Variants in PAICS observed in about 807,000 individuals in gnomAD.
PAICS encodes bifunctional phosphoribosylaminoimidazole carboxylase/phosphoribosylaminoimidazole succinocarboxamide synthetase.
Under a neutral mutation model 53.7 loss-of-function variants are expected in PAICS, and 33 were observed. The ratio of observed to expected loss-of-function variants is 0.61; its 90% CI spans 0.47 to 0.82. The LOEUF is 0.82. Among genes scored for constraint, PAICS ranks in the 40% least tolerant of loss-of-function variants. PAICS has a pLI of 0.00. For synonymous variants in PAICS, 141 were observed against 167.2 expected, an observed-to-expected ratio of 0.84 and a Z score of 1.21; for missense variants, 394 against 494.1, an observed-to-expected ratio of 0.80 and a Z score of 1.92.
chr4:56,441,975 A>C, intron 2 of PAICS, 115 bp downstream of exon 2: 1 of 694,370 alleles, frequency 1.4e-6, no homozygotes, highest in South Asian at 2.2e-5. Flanking sequence ...TCAAAAGCTA[A>C]GTGAATTTAA....
intron 1 of PAICS, among the ~76,000 whole-genome samples, chr4:56,438,435 TTTTGC>T (rs947881662): frequency 3.4e-5 from 5 of 148,184 alleles, no homozygotes; most frequent in African/African-American, 4.9e-5. Flanking sequence ...TTTTTGTTTG[TTTTGC>T]TTTGTTTTTG....
Position 56,454,329 on chromosome 4 carries a change from C to T in PAICS, c.1111+568C>T, listed in dbSNP as rs181572102. On this transcript the variant is annotated intron_variant, in intron 8 of 8. Coordinates refer to ENST00000512576, the MANE Select transcript of PAICS (RefSeq NM_001079524.2). ...AGAATGAATTGTGGTGGAAATTGGG[C>T]CTGTGACATCAGTAAGCTGGTTCTG... Among the ~76,000 whole-genome samples the T allele has an allele frequency of 1.6e-4, 24 of 152,164 alleles. No homozygotes were observed. The East Asian group carries it at 4.5e-3, about 28-fold the overall frequency.
intron 8 of PAICS, 118 bp downstream of exon 8, chr4:56,453,879 A>G (rs1406045478): frequency 1.6e-6 from 1 of 613,682 alleles, no homozygotes; most frequent in African/African-American, 1.8e-5. Flanking sequence ...AGCAATTAAC[A>G]TCTTGTTGTG....
intron 5 of PAICS, 106 bp from the exon 6 acceptor site, chr4:56,450,513 C>T: frequency 3.1e-6 from 2 of 636,180 alleles, no homozygotes; most frequent in South Asian, 1.9e-5. Flanking sequence ...TCAGAAGTAT[C>T]CCTTGCTATA....
the PAICS span, chr4:56,410,595 G>C: frequency 1.0e-6 from 1 of 986,048 alleles, no homozygotes. Flanking sequence ...AAAAATATAC[G>C]AAAACAACTT....
At chr4:56,426,936 CTCCTT>C in the PAICS span, among the ~76,000 whole-genome samples, 1 of 152,178 alleles carries the variant, frequency 6.6e-6, no homozygotes, top group Non-Finnish European at 1.5e-5. Context: ...GACCACTATT[CTCCTT>C]TCCATCTTTG....
At chr4:56,412,247 T>C in the PAICS span, among the ~76,000 whole-genome samples, 1 of 151,718 alleles carries the variant, frequency 6.6e-6, no homozygotes, top group South Asian at 2.1e-4. Context: ...ACAACATAAC[T>C]ATGCACGTTT....
upstream of PAICS, among the ~76,000 whole-genome samples, chr4:56,433,673 A>G (rs925122014): frequency 6.6e-6 from 1 of 150,790 alleles, no homozygotes; most frequent in Admixed American, 6.7e-5. Context: ...CCTCACCCCC[A>G]TGACAGAGTA....
intron 2 of PAICS, chr4:56,446,338 C>T: frequency 1.4e-6 from 1 of 717,560 alleles, no homozygotes; most frequent in Non-Finnish European, 2.6e-6. Context: ...TCTTTTCTGT[C>T]TGAATTTGCC....
chr4:56,416,282 C>T, the PAICS span: 1 of 170,202 alleles, frequency 5.9e-6, no homozygotes, highest in Non-Finnish European at 1.2e-5. Flanking sequence ...AAGAATATGA[C>T]CACATTTAGC....
upstream of PAICS, among the ~76,000 whole-genome samples, chr4:56,430,772 A>C (rs1487975503): frequency 6.6e-6 from 1 of 151,540 alleles, no homozygotes; most frequent in Non-Finnish European, 1.5e-5. Flanking sequence ...TGAACATTAG[A>C]CCTTACAATA....
At chr4:56,431,428 G>A, upstream of PAICS, 1 of 982,376 alleles carries the variant, frequency 1.0e-6, no homozygotes, top group South Asian at 4.7e-5. Flanking sequence ...CAGAACCAGT[G>A]TCTAAATCTC....
upstream of PAICS, chr4:56,436,095 C>G: frequency 6.8e-7 from 1 of 1,478,090 alleles, no homozygotes; most frequent in Non-Finnish European, 8.9e-7. Context: ...GCCTGCGCGG[C>G]GGGAAGCCAG....
the PAICS span, chr4:56,428,791 T>C: frequency 6.4e-6 from 1 of 156,500 alleles, no homozygotes; most frequent in African/African-American, 2.4e-5. Context: ...TTTCTAAACC[T>C]TGTACCAAAA....
intron 7 of PAICS, among the ~76,000 whole-genome samples, chr4:56,452,368 C>T (rs572128434): frequency 7.2e-5 from 11 of 152,132 alleles, no homozygotes; most frequent in African/African-American, 1.7e-4. Context: ...TTAATAGAGA[C>T]GGGGTTTCAC....
upstream of PAICS, chr4:56,436,258 C>G (rs550008642): frequency 4.5e-6 from 7 of 1,572,878 alleles, no homozygotes; most frequent in East Asian, 1.4e-4. Flanking sequence ...CCCCTCTTTT[C>G]TAGAGTTCTG....
the PAICS span, chr4:56,419,746 A>G: frequency 1.0e-6 from 1 of 984,562 alleles, no homozygotes; most frequent in African/African-American, 1.7e-5. Context: ...AAAAGCATAC[A>G]ACGACAACTA....
rs1302747564 is a variant in PAICS, at chr4:56,463,875, G to A, written c.*4337G>A. ...CATCTGTGATGGTGTTTCTGGAAGA[G>A]ACTAGCACTTGAATCAGTAGACTTG... On this transcript the variant is annotated 3_prime_UTR_variant, in exon 9 of 9. Transcript: ENST00000512576. The A allele has an allele frequency of 6.6e-6, 1 of 152,188 alleles. No individual in the cohort carries two copies. Among genetic ancestry groups the A allele is most frequent in the Non-Finnish European group, 1.5e-5 (1 of 68,038 alleles). 9.4% of individuals were successfully genotyped at this position (152,188 alleles called of 1,614,324 possible).
intron 1 of PAICS, among the ~76,000 whole-genome samples, chr4:56,439,928 C>T (rs374833836): frequency 2.0e-5 from 3 of 152,146 alleles, no homozygotes; most frequent in Non-Finnish European, 2.9e-5. Context: ...CCTGGCCAGA[C>T]GTTTCTTGTT....
Sources: gnomAD v4.1 joint callset for allele counts (sites outside exome capture counted in the v4.1 genomes callset) on GRCh38, gnomAD v4.1.1 for gene constraint, MANE v1.5 for transcripts, NCBI Gene and HGNC (gene_info 2026-07-23, HGNC 2026-07-21) for gene names.